Variants in SYT1 observed in about 807,000 individuals in gnomAD.
SYT1 encodes the protein synaptotagmin 1.
In SYT1, 8 loss-of-function variants were observed where a neutral mutation model predicts 44.8. The observed-to-expected ratio is 0.18, with a 90% CI of 0.10 to 0.32. SYT1 has a LOEUF of 0.32. Ranked by LOEUF, SYT1 falls within the 10% of genes least tolerant of loss-of-function variation. SYT1 has a pLI of 1.00. For synonymous variants in SYT1, 154 were observed against 188.8 expected (o/e 0.82, Z 1.51); for missense variants, 286 against 509.3 (o/e 0.56, Z 4.22).
At chr12:79,136,200 T>C (rs1395441535) in intron 3 of SYT1, among the ~76,000 whole-genome samples, 1 of 152,230 alleles carries the variant, frequency 6.6e-6, no homozygotes, top group Non-Finnish European at 1.5e-5. Flanking sequence ...TAGACATCCT[T>C]TCAGCTACCA....
chr12:79,003,658 C>T (rs1592651762), intron 2 of SYT1, among the ~76,000 whole-genome samples: 1 of 151,908 alleles, frequency 6.6e-6, no homozygotes. Context: ...TCATATTATA[C>T]TGCAGATCTT....
chr12:79,369,584 A>G (rs1883697886), intron 9 of SYT1, among the ~76,000 whole-genome samples: 1 of 152,240 alleles, frequency 6.6e-6, no homozygotes, highest in South Asian at 2.1e-4. Context: ...TAGTATTTCT[A>G]CAATAGGATT....
chr12:78,870,519 C>T (rs1873766038), intron 1 of SYT1, among the ~76,000 whole-genome samples: 1 of 152,062 alleles, frequency 6.6e-6, no homozygotes, highest in African/African-American at 2.4e-5. Flanking sequence ...CACATATGCA[C>T]TCAAATGCAA....
intron 2 of SYT1, among the ~76,000 whole-genome samples, chr12:79,020,195 G>T (rs1475957222): frequency 1.3e-5 from 2 of 151,958 alleles, no homozygotes; most frequent in Admixed American, 6.6e-5. Flanking sequence ...TTTAATGTAT[G>T]TTTCTGTGAT....
chr12:79,273,665 T>G (rs547974396), intron 4 of SYT1, among the ~76,000 whole-genome samples: 1 of 152,230 alleles, frequency 6.6e-6, no homozygotes, highest in East Asian at 1.9e-4. Flanking sequence ...AGGAGCGGCA[T>G]CAGGACACAC....
chr12:79,029,557 A>G (rs1168262084), intron 2 of SYT1, among the ~76,000 whole-genome samples: 1 of 151,208 alleles, frequency 6.6e-6, no homozygotes, highest in African/African-American at 2.4e-5. Flanking sequence ...TGATTAATTT[A>G]GCATCACTTG....
Position 79,178,846 on chromosome 12 carries a change from C to T in SYT1, c.-17-38657C>T, listed in dbSNP as rs377350026. On this transcript the variant is annotated intron_variant, in intron 3 of 10. Transcript: ENST00000261205. Reference sequence around the variant, plus strand: ...AGGCTGGAGTGCGATGGCGTGATCTCGGCTCACTGCAATCTCCTCAGCCTC... The same window carrying T: ...AGGCTGGAGTGCGATGGCGTGATCTTGGCTCACTGCAATCTCCTCAGCCTC... Among the ~76,000 whole-genome samples, 15 of 149,086 alleles carry T rather than the reference C, an allele frequency of 1.0e-4. No individual in the cohort carries two copies. The East Asian group carries it at 1.6e-3, about 16-fold the overall frequency.
At chr12:79,127,936 A>C (rs139678073) in intron 3 of SYT1, among the ~76,000 whole-genome samples, 84 of 152,358 alleles carry the variant, frequency 5.5e-4, no homozygotes, top group African/African-American at 1.9e-3. Context: ...ATAGATAGAT[A>C]GATGGGTAGA....
chr12:79,443,510 C>CTGT (rs1289666875), intron 9 of SYT1, among the ~76,000 whole-genome samples: 1 of 152,168 alleles, frequency 6.6e-6, no homozygotes, highest in Non-Finnish European at 1.5e-5. Context: ...CAGGGATAGT[C>CTGT]TGTTGTGTTG....
At chr12:78,929,330 A>C (rs1291873404) in intron 1 of SYT1, among the ~76,000 whole-genome samples, 1 of 138,256 alleles carries the variant, frequency 7.2e-6, no homozygotes, top group Non-Finnish European at 1.5e-5. Context: ...TGAACCCGGG[A>C]GGCAGAGGTT....
At chr12:79,255,258 C>G (rs1230423488) in intron 4 of SYT1, among the ~76,000 whole-genome samples, 2 of 152,192 alleles carry the variant, frequency 1.3e-5, no homozygotes, top group African/African-American at 4.8e-5. Flanking sequence ...GCCTTCAACA[C>G]AGAAGCAAGA....
chr12:78,955,371 T>C (rs1481706238), intron 1 of SYT1: 1 of 152,112 alleles, frequency 6.6e-6, no homozygotes, highest in South Asian at 2.1e-4. Context: ...GTCACATAGA[T>C]TTTTAGTTGG....
intron 1 of SYT1, among the ~76,000 whole-genome samples, chr12:78,931,239 G>GAAAGAAAGA (rs1216203775): frequency 1.0e-3 from 29 of 28,674 alleles, no homozygotes; most frequent in African/African-American, 3.3e-3. Flanking sequence ...AAGAAAGAAA[G>GAAAGAAAGA]AAGGAAGGAA....
chr12:79,039,571 A>T (rs75682647), intron 2 of SYT1, among the ~76,000 whole-genome samples: 1 of 150,284 alleles, frequency 6.7e-6, no homozygotes, highest in African/African-American at 2.5e-5. Context: ...ATAGTTTTTT[A>T]ATTGATTCTA....
At position 78,877,395 on chromosome 12, in the gene SYT1, G is replaced by T. The variant is rs868245901; in HGVS notation, c.-217+12286G>T. Among the ~76,000 whole-genome samples the T allele has an allele frequency of 7.9e-5, 12 of 151,662 alleles. No homozygotes were observed. In the Middle Eastern group the frequency reaches 0.01, roughly 129 times the overall value. Reference sequence around the variant, plus strand: ...TCCCACTCTGTCCCTCCCACAACATGTGGGAATTTTGGGAGCTACAATTCA... The same window carrying T: ...TCCCACTCTGTCCCTCCCACAACATTTGGGAATTTTGGGAGCTACAATTCA... On this transcript the variant is annotated intron_variant, in intron 1 of 10. Transcript: ENST00000261205.
intron 1 of SYT1, among the ~76,000 whole-genome samples, chr12:78,935,352 T>C (rs577001516): frequency 3.6e-4 from 55 of 152,210 alleles, no homozygotes; most frequent in Non-Finnish European, 6.6e-4. Context: ...GAGCTCCTGC[T>C]GTGAATCAGG....
chr12:78,916,972 G>A (rs1381850007), intron 1 of SYT1, among the ~76,000 whole-genome samples: 9 of 151,624 alleles, frequency 5.9e-5, no homozygotes, highest in African/African-American at 1.2e-4. Flanking sequence ...GAAAATTCTC[G>A]CCCAGGCTGG....
Position 79,207,961 on chromosome 12 carries a change from G to A in SYT1, c.-17-9542G>A, listed in dbSNP as rs142102272. On this transcript the variant is annotated intron_variant, in intron 3 of 10. Transcript: ENST00000261205. Reference sequence around the variant, plus strand: ...TGGTAAGTCAGTTTTCCAACCTCTGGAAGTAGGATTACCTAGCTACTTAAA... The same window carrying A: ...TGGTAAGTCAGTTTTCCAACCTCTGAAAGTAGGATTACCTAGCTACTTAAA... Among the ~76,000 whole-genome samples, 47 of 152,234 alleles carry A rather than the reference G, an allele frequency of 3.1e-4. No individual in the cohort carries two copies. The East Asian group carries it at 7.5e-3, about 24-fold the overall frequency.
intron 6 of SYT1, among the ~76,000 whole-genome samples, chr12:79,293,640 G>A (rs1182602673): frequency 6.6e-6 from 1 of 152,136 alleles, no homozygotes; most frequent in African/African-American, 2.4e-5. Flanking sequence ...CAGTAATGCT[G>A]TGAGAGCTCT....
Sources: gnomAD v4.1 joint callset for allele counts (sites outside exome capture counted in the v4.1 genomes callset) on GRCh38, gnomAD v4.1.1 for gene constraint, MANE v1.5 for transcripts, NCBI Gene and HGNC (gene_info 2026-07-23, HGNC 2026-07-21) for gene names.